Variants in COL26A1 observed in about 807,000 individuals in gnomAD.
COL26A1 encodes collagen alpha-1(XXVI) chain.
In COL26A1, 41 loss-of-function variants were observed where a neutral mutation model predicts 59.3. That is an observed-to-expected ratio of 0.69 (90% CI 0.54 to 0.90). The LOEUF (loss-of-function observed/expected upper bound fraction) is 0.90, where lower values mean the gene tolerates loss of function less well. Among genes scored for constraint, COL26A1 ranks in the 40% least tolerant of loss-of-function variants. COL26A1 has a pLI of 0.00. For missense variants in COL26A1, 612 were observed against 602.3 expected, an observed-to-expected ratio of 1.02 and a Z score of -0.17; for synonymous variants, 266 against 256.0, an observed-to-expected ratio of 1.04 and a Z score of -0.37.
chr7:101,489,879 TTTCTTTCTTTCTTTCTTTCTTTCTTTC>T (rs1794411966), intron 3 of COL26A1, among the ~76,000 whole-genome samples: 2 of 66,958 alleles, frequency 3.0e-5, no homozygotes, highest in Non-Finnish European at 5.1e-5. Context: ...TCTTTCTTTC[TTTCTTTCTTTCTTTCTTTCTTTCTTTC>T]TTTCTTTCTT....
intron 3 of COL26A1, among the ~76,000 whole-genome samples, chr7:101,489,901 T>G (rs1202191635): frequency 1.0e-5 from 1 of 97,520 alleles, no homozygotes; most frequent in Non-Finnish European, 2.0e-5. Flanking sequence ...TTTCTTTCTT[T>G]CTTTCTTTCT....
intron 3 of COL26A1, among the ~76,000 whole-genome samples, chr7:101,531,206 C>T (rs987330421): frequency 2.0e-5 from 3 of 152,182 alleles, no homozygotes; most frequent in African/African-American, 7.2e-5. Context: ...CTCCTGACCT[C>T]ATGATCCTCC....
intron 3 of COL26A1, among the ~76,000 whole-genome samples, chr7:101,457,950 G>A (rs1793517739): frequency 6.8e-6 from 1 of 147,680 alleles, no homozygotes; most frequent in Non-Finnish European, 1.5e-5. Flanking sequence ...AAGCAGGAGA[G>A]CAATGGCACG....
At chr7:101,490,594 G>A (rs1336355533) in intron 3 of COL26A1, among the ~76,000 whole-genome samples, 4 of 151,490 alleles carry the variant, frequency 2.6e-5, no homozygotes, top group African/African-American at 7.3e-5. Flanking sequence ...CCACCTACTC[G>A]AGAGGCTGAG....
At chr7:101,387,386 A>AG (rs1791602604) in intron 1 of COL26A1, among the ~76,000 whole-genome samples, 1 of 151,200 alleles carries the variant, frequency 6.6e-6, no homozygotes, top group South Asian at 2.1e-4. Context: ...AAAAAAAAAA[A>AG]GTTTATTTTT....
intron 3 of COL26A1, among the ~76,000 whole-genome samples, chr7:101,532,726 T>C (rs1584491940): frequency 1.3e-5 from 2 of 152,170 alleles, no homozygotes; most frequent in Admixed American, 1.3e-4. Context: ...TGTTCATCAA[T>C]TGTCAGATAT....
At chr7:101,541,352 T>C (rs1200502842) in intron 5 of COL26A1, among the ~76,000 whole-genome samples, 1 of 152,120 alleles carries the variant, frequency 6.6e-6, no homozygotes, top group Non-Finnish European at 1.5e-5. Flanking sequence ...TTTATTTTAT[T>C]ATTTTATTTT....
intron 3 of COL26A1, among the ~76,000 whole-genome samples, chr7:101,454,265 T>TTTA: frequency 8.1e-6 from 1 of 123,912 alleles, no homozygotes; most frequent in Non-Finnish European, 1.8e-5. Flanking sequence ...TTTTCTTTTC[T>TTTA]TTCTTTTTTT....
chr7:101,546,516 T>C (rs1285731559), intron 7 of COL26A1, among the ~76,000 whole-genome samples: 1 of 151,936 alleles, frequency 6.6e-6, no homozygotes, highest in East Asian at 1.9e-4. Flanking sequence ...CCTCAAGTGA[T>C]CCTCCCTCCT....
chr7:101,466,382 A>G (rs1333136626), intron 3 of COL26A1, among the ~76,000 whole-genome samples: 2 of 152,132 alleles, frequency 1.3e-5, no homozygotes, highest in Non-Finnish European at 2.9e-5. Flanking sequence ...CGACCTGCCC[A>G]GCACTAGGCA....
Position 101,395,950 on chromosome 7 carries a change from C to T in COL26A1, c.159-24027C>T, listed in dbSNP as rs539914221. 2.0e-5 allele frequency among the ~76,000 whole-genome samples: 3 copies of T among 152,262 alleles called. No individual in the cohort carries two copies. The South Asian group carries it at 6.2e-4, about 32-fold the overall frequency. On this transcript the variant is annotated intron_variant, in intron 1 of 12. Transcript: ENST00000313669. ...TTCTGGAACTTTGTTTTGTTCACAT[C>T]CGGCCCTTGCTTGAAAACTCCTGGT...
At chr7:101,506,081 C>T (rs1278746365) in intron 3 of COL26A1, among the ~76,000 whole-genome samples, 3 of 152,220 alleles carry the variant, frequency 2.0e-5, no homozygotes, top group African/African-American at 7.2e-5. Flanking sequence ...TGTCCTTTCC[C>T]TCTGCCCGAA....
chr7:101,486,171 T>TAA (rs74805128), intron 3 of COL26A1, among the ~76,000 whole-genome samples: 27 of 138,330 alleles, frequency 2.0e-4, no homozygotes, highest in African/African-American at 3.2e-4. Context: ...AGACTGTCTC[T>TAA]AAAAAAAAAA....
At chr7:101,492,523 C>A (rs1169366685) in intron 3 of COL26A1, among the ~76,000 whole-genome samples, 1 of 151,412 alleles carries the variant, frequency 6.6e-6, no homozygotes, top group Non-Finnish European at 1.5e-5. Context: ...ACGGAGAAAC[C>A]CCATCTCTAC....
intron 1 of COL26A1, among the ~76,000 whole-genome samples, chr7:101,379,409 GAGA>G (rs1164221092): frequency 6.6e-6 from 1 of 152,194 alleles, no homozygotes; most frequent in Non-Finnish European, 1.5e-5. Flanking sequence ...TGCCTGATGG[GAGA>G]AGACCTGGCT....
chr7:101,495,700 T>C (rs1794570515), intron 3 of COL26A1, among the ~76,000 whole-genome samples: 1 of 149,384 alleles, frequency 6.7e-6, no homozygotes, highest in Non-Finnish European at 1.5e-5. Flanking sequence ...ATTACAGGCA[T>C]GAGCCACCGC....
At chr7:101,473,628 AC>A (rs1793958829) in intron 3 of COL26A1, among the ~76,000 whole-genome samples, 1 of 148,234 alleles carries the variant, frequency 6.7e-6, no homozygotes, top group East Asian at 2.0e-4. Flanking sequence ...ACACACACAC[AC>A]ACACACACAC....
chr7:101,544,214 A>G lies in COL26A1; in HGVS notation c.703+118A>G. 4 of 687,038 alleles carry G rather than the reference A, an allele frequency of 5.8e-6. No individual in the cohort carries two copies. The South Asian group carries it at 6.9e-5, about 12-fold the overall frequency. The allele number at this position is 687,038 out of a possible 1,614,324, so 42.6% of individuals were successfully genotyped here. A position where few individuals can be genotyped will look rare whatever the true frequency, so the allele number is the denominator to read the frequency against. Reference sequence around the variant, plus strand: ...CACAGCCCTGATCTTGCTGGGTACCAGAAAAACGGGGTCTTTTTTTTTTAA... The same window carrying G: ...CACAGCCCTGATCTTGCTGGGTACCGGAAAAACGGGGTCTTTTTTTTTTAA... On this transcript the variant is annotated intron_variant, in intron 6 of 12. Transcript: ENST00000313669.
At chr7:101,520,139 G>T (rs569038831) in intron 3 of COL26A1, among the ~76,000 whole-genome samples, 2 of 152,178 alleles carry the variant, frequency 1.3e-5, no homozygotes, top group Non-Finnish European at 2.9e-5. Context: ...TGTGCAGGAA[G>T]GGACAAGCTC....
Sources: gnomAD v4.1 joint callset for allele counts (sites outside exome capture counted in the v4.1 genomes callset) on GRCh38, gnomAD v4.1.1 for gene constraint, MANE v1.5 for transcripts, NCBI Gene and HGNC (gene_info 2026-07-23, HGNC 2026-07-21) for gene names.